KCNMA1: variants seen among roughly 807,000 people sequenced by gnomAD.
The protein encoded by KCNMA1 is Calcium-activated potassium channel subunit alpha-1.
Under a neutral mutation model 140.0 loss-of-function variants are expected in KCNMA1, and 29 were observed. The ratio of observed to expected loss-of-function variants is 0.21; its 90% CI spans 0.15 to 0.28. KCNMA1 has a LOEUF of 0.28. Among genes scored for constraint, KCNMA1 ranks in the 10% least tolerant of loss-of-function variants. The pLI is 1.00. For missense variants in KCNMA1, 880 were observed against 1,602.2 expected (o/e 0.55, Z 7.70); for synonymous variants, 612 against 611.9 (o/e 1.00, Z 0.00).
chr10:77,006,349 A>G (rs934287713), intron 18 of KCNMA1, among the ~76,000 whole-genome samples: 3 of 152,198 alleles, frequency 2.0e-5, no homozygotes, highest in East Asian at 3.9e-4. Context: ...CCTCACTTTT[A>G]AAATCAGTCA....
chr10:77,155,356 C>T (rs751425260), intron 5 of KCNMA1, among the ~76,000 whole-genome samples: 25 of 152,186 alleles, frequency 1.6e-4, no homozygotes, highest in Non-Finnish European at 2.9e-5. Context: ...ATTTTTAAAT[C>T]ACTCATTTTA....
intron 1 of KCNMA1, among the ~76,000 whole-genome samples, chr10:77,553,397 A>C (rs2063335398): frequency 6.6e-6 from 1 of 152,142 alleles, no homozygotes. Context: ...TTGGGAGCTG[A>C]GAAGGCAGGA....
At chr10:76,944,236 C>T (rs866635907) in intron 23 of KCNMA1, among the ~76,000 whole-genome samples, 10 of 152,314 alleles carry the variant, frequency 6.6e-5, no homozygotes, top group Admixed American at 1.3e-4. Context: ...CTTAAGGCTG[C>T]TTTGCCTCCT....
chr10:76,880,469 G>A (rs551158666), downstream of KCNMA1, among the ~76,000 whole-genome samples: 3 of 152,112 alleles, frequency 2.0e-5, no homozygotes, highest in Admixed American at 1.3e-4. Flanking sequence ...ATATAAATGT[G>A]TGTGTTTTTG....
chr10:77,364,205 C>T (rs1237491335), intron 2 of KCNMA1, among the ~76,000 whole-genome samples: 1 of 152,100 alleles, frequency 6.6e-6, no homozygotes. Flanking sequence ...AATCCCAGCA[C>T]TTTGGGAGGT....
intron 1 of KCNMA1, among the ~76,000 whole-genome samples, chr10:77,496,477 G>A (rs2041965112): frequency 6.6e-6 from 1 of 151,562 alleles, no homozygotes; most frequent in South Asian, 2.1e-4. Context: ...GGCGCCTGTA[G>A]TCCCATCTAC....
chr10:77,046,763 TA>T (rs2095082022), intron 14 of KCNMA1, among the ~76,000 whole-genome samples: 1 of 152,202 alleles, frequency 6.6e-6, no homozygotes, highest in African/African-American at 2.4e-5. Context: ...TTCTTCAGTA[TA>T]ATTGCAAATC....
intron 2 of KCNMA1, among the ~76,000 whole-genome samples, chr10:77,265,303 T>C (rs542058343): frequency 6.0e-4 from 91 of 152,272 alleles, no homozygotes; most frequent in African/African-American, 2.1e-3. Flanking sequence ...CCAACCGCCT[T>C]GGTCTCCCAA....
chr10:77,579,142 G>T (rs2075118237), intron 1 of KCNMA1, among the ~76,000 whole-genome samples: 2 of 152,258 alleles, frequency 1.3e-5, no homozygotes, highest in East Asian at 3.9e-4. Flanking sequence ...AGTCAGTGAT[G>T]TCTAGCCAAG....
At chr10:77,370,689 C>T (rs2154411828) in intron 2 of KCNMA1, among the ~76,000 whole-genome samples, 1 of 152,268 alleles carries the variant, frequency 6.6e-6, no homozygotes, top group East Asian at 1.9e-4. Flanking sequence ...ATGACCTATC[C>T]AAGTTCACAC....
chr10:77,226,827 G>A (rs558216900), intron 3 of KCNMA1, among the ~76,000 whole-genome samples: 1 of 152,148 alleles, frequency 6.6e-6, no homozygotes, highest in Non-Finnish European at 1.5e-5. Context: ...ACATACTCCT[G>A]AGTGCACAAT....
At chr10:77,380,572 G>C (rs1001414005) in intron 2 of KCNMA1, among the ~76,000 whole-genome samples, 1 of 152,074 alleles carries the variant, frequency 6.6e-6, no homozygotes, top group African/African-American at 2.4e-5. Context: ...TTCAGGAAAC[G>C]GGCAGAAAAT....
intron 18 of KCNMA1, among the ~76,000 whole-genome samples, chr10:77,005,829 G>A (rs1229639928): frequency 6.6e-6 from 1 of 152,124 alleles, no homozygotes; most frequent in Admixed American, 6.5e-5. Context: ...TTCCCTAATG[G>A]ACATCATCAA....
intron 1 of KCNMA1, among the ~76,000 whole-genome samples, chr10:77,423,058 G>T (rs950602968): frequency 6.6e-6 from 1 of 152,238 alleles, no homozygotes; most frequent in Non-Finnish European, 1.5e-5. Context: ...AGGAAGCCAC[G>T]ATGTCAGCTG....
intron 1 of KCNMA1, among the ~76,000 whole-genome samples, chr10:77,522,735 C>T (rs75359195): frequency 5.3e-4 from 80 of 152,322 alleles, no homozygotes; most frequent in African/African-American, 1.4e-3. Flanking sequence ...CTCTGCCAAG[C>T]TGCCAATTCC....
chr10:76,918,742 T>G (rs1373022481), intron 23 of KCNMA1, among the ~76,000 whole-genome samples: 2 of 152,248 alleles, frequency 1.3e-5, no homozygotes, highest in Non-Finnish European at 1.5e-5. Context: ...CCACTGGTTA[T>G]CTACCCAGAG....
At chr10:77,530,957 T>G (rs1337503097) in intron 1 of KCNMA1, among the ~76,000 whole-genome samples, 2 of 152,218 alleles carry the variant, frequency 1.3e-5, no homozygotes, top group African/African-American at 2.4e-5. Flanking sequence ...GAAATTCGTC[T>G]GTGTCCCTCC....
At chr10:77,355,525 A>G (rs1234856395) in intron 2 of KCNMA1, among the ~76,000 whole-genome samples, 1 of 152,148 alleles carries the variant, frequency 6.6e-6, no homozygotes. Flanking sequence ...GGGCATGATG[A>G]AGGAAGCATC....
intron 1 of KCNMA1, among the ~76,000 whole-genome samples, chr10:77,469,298 T>A (rs1022676574): frequency 4.6e-5 from 7 of 152,020 alleles, no homozygotes; most frequent in African/African-American, 1.4e-4. Flanking sequence ...CTCCTTCCAG[T>A]TTATTGGAGA....
Sources: gnomAD v4.1 joint callset for allele counts (sites outside exome capture counted in the v4.1 genomes callset) on GRCh38, gnomAD v4.1.1 for gene constraint, MANE v1.5 for transcripts, NCBI Gene and HGNC (gene_info 2026-07-23, HGNC 2026-07-21) for gene names.